PALS2: variants seen among roughly 807,000 people sequenced by gnomAD.
PALS2 encodes the protein protein associated with LIN7 2, MAGUK p55 family member.
In PALS2, 27 loss-of-function variants were observed where a neutral mutation model predicts 61.6. The observed-to-expected ratio is 0.44, with a 90% CI of 0.32 to 0.60. The LOEUF is 0.60. PALS2 is among the 20% of genes least tolerant of loss of function. PALS2 has a pLI of 0.05. For missense variants in PALS2, 554 were observed against 639.4 expected, an observed-to-expected ratio of 0.87 and a Z score of 1.44; for synonymous variants, 236 against 218.6, an observed-to-expected ratio of 1.08 and a Z score of -0.70.
In PALS2 at chr7:24,691,391, G is replaced by A. The variant is rs1271237425; in HGVS notation, c.*3777G>A. 5.7e-4 allele frequency: 57 copies of A among 100,396 alleles called. 1 individual carries two copies. Among genetic ancestry groups the A allele is most frequent in the African/African-American group, 1.9e-3 (56 of 29,668 alleles). The allele number at this position is 100,396 out of a possible 1,614,324, so 6.2% of individuals were successfully genotyped here. A position where few individuals can be genotyped will look rare whatever the true frequency, so the allele number is the denominator to read the frequency against. ...GTTCGAGTTGCCATATATTATGTAT[G>A]TGTGTGTGTGTGTGTATATATATAT... On this transcript the variant is annotated 3_prime_UTR_variant, in exon 12 of 12. Transcript: ENST00000222644.
rs114241686 is a variant in PALS2, at chr7:24,687,138, T to C, written c.1447-300T>C. Among the ~76,000 whole-genome samples, 369 of 152,318 alleles carry C rather than the reference T, an allele frequency of 2.4e-3. 2 individuals carry two copies. The highest frequency in any genetic ancestry group is 8.4e-3 in the African/African-American group (350 of 41,584). ...CCAGTCACCTGCAGTAATTGTTTTG[T>C]TACTGTAGATTCATTCCAAGATTAT... On this transcript the variant is annotated intron_variant, in intron 11 of 11. Coordinates refer to ENST00000222644, the MANE Select transcript of PALS2 (RefSeq NM_001303037.2). The surrounding 1 kb of genome is among the most constrained non-coding windows in gnomAD (Gnocchi z 4.5).
chr7:24,660,979 A>G (rs112498596), intron 5 of PALS2, among the ~76,000 whole-genome samples: 58 of 152,342 alleles, frequency 3.8e-4, no homozygotes, highest in African/African-American at 1.3e-3. Flanking sequence ...AACATCTCCT[A>G]TGCTTAAAAG....
intron 7 of PALS2, 131 bp from the exon 8 acceptor site, chr7:24,665,890 C>G: frequency 3.0e-6 from 3 of 1,003,478 alleles, no homozygotes; most frequent in Non-Finnish European, 4.5e-6. Context: ...GCTTAACTCA[C>G]CTCCACCCTC....
intron 1 of PALS2, among the ~76,000 whole-genome samples, chr7:24,585,278 A>T (rs1231234208): frequency 6.6e-6 from 1 of 151,524 alleles, no homozygotes; most frequent in Non-Finnish European, 1.5e-5. Context: ...GACGATATTG[A>T]TTCTTCCTAC....
At chr7:24,675,418 T>G (rs1787516265) in intron 9 of PALS2, among the ~76,000 whole-genome samples, 1 of 151,732 alleles carries the variant, frequency 6.6e-6, no homozygotes, top group South Asian at 2.1e-4. Flanking sequence ...ACTTTTAAGT[T>G]TTAGGGTACA....
intron 1 of PALS2, among the ~76,000 whole-genome samples, chr7:24,614,697 G>A (rs553344341): frequency 2.6e-5 from 4 of 151,872 alleles, no homozygotes; most frequent in East Asian, 1.9e-4. Flanking sequence ...GAAAATCAAC[G>A]AGATACCAGA....
At chr7:24,589,142 A>G (rs947261295) in intron 1 of PALS2, 2 of 152,082 alleles carry the variant, frequency 1.3e-5, no homozygotes, top group African/African-American at 4.8e-5. Flanking sequence ...TTCTTTTAGT[A>G]GATACTTCCT....
intron 8 of PALS2, among the ~76,000 whole-genome samples, chr7:24,667,357 ATGTT>A (rs1310882916): frequency 6.6e-6 from 1 of 152,164 alleles, no homozygotes; most frequent in African/African-American, 2.4e-5. Context: ...ATTTAAATGT[ATGTT>A]GTCAGTAAAT....
At chr7:24,624,646 T>C in intron 2 of PALS2, among the ~76,000 whole-genome samples, 1 of 139,716 alleles carries the variant, frequency 7.2e-6, no homozygotes, top group Non-Finnish European at 1.5e-5. Context: ...TCACTTTGTC[T>C]CCCAGGCTGG....
intron 5 of PALS2, among the ~76,000 whole-genome samples, chr7:24,658,204 A>G (rs998911158): frequency 3.3e-5 from 5 of 152,158 alleles, no homozygotes; most frequent in East Asian, 1.9e-4. Flanking sequence ...CTAATCTGCT[A>G]TTAATCACAC....
chr7:24,663,695 A>G lies in PALS2; in HGVS notation c.757A>G (p.Asn253Asp), dbSNP rs745390301. 8 of 1,610,686 alleles carry G rather than the reference A, an allele frequency of 5.0e-6. No individual in the cohort carries two copies. In the Admixed American group the frequency reaches 1.2e-4, roughly 24 times the overall value. Residue 253 changes from asparagine to aspartate, a missense_variant, in exon 6 of 12, where the codon AAT becomes GAT. Physicochemically the swap from Asn to Asp is conservative, Grantham distance 23. Transcript: ENST00000222644. Reference sequence around the variant, plus strand: ...CAAAGGAGAGATTCTTCAGATTGTAAATAGAGAAGATCCAAATTGGTGGCA... The same window carrying G: ...CAAAGGAGAGATTCTTCAGATTGTAGATAGAGAAGATCCAAATTGGTGGCA... ...FSKGEILQIV[N>D]REDPNWWQAS... is the part of the protein sequence containing the mutation.
Position 24,672,238 on chromosome 7 carries a change from G to GTT in PALS2, c.1114+3581_1114+3582dup, listed in dbSNP as rs541574746. The stretch of plus-strand genomic sequence containing the variant: ...GTTTTGTTTTGTTTTGTTTTGTTTT[G>GTT]TTTTGTTGAGATGGAGTCTTGCTCT... On this transcript the variant is annotated intron_variant, in intron 9 of 11. Coordinates refer to ENST00000222644, the MANE Select transcript of PALS2 (RefSeq NM_001303037.2). Among the ~76,000 whole-genome samples, 11 of 147,874 alleles carry GTT rather than the reference G, an allele frequency of 7.4e-5. No homozygotes were observed. The South Asian group carries it at 1.9e-3, about 26-fold the overall frequency.
At chr7:24,646,786 T>C (rs1785853283) in intron 3 of PALS2, among the ~76,000 whole-genome samples, 3 of 152,132 alleles carry the variant, frequency 2.0e-5, no homozygotes, top group African/African-American at 7.2e-5. Context: ...GGTCCCAGGC[T>C]TTTTTTGGTT....
intron 5 of PALS2, among the ~76,000 whole-genome samples, chr7:24,653,819 CTT>C (rs1372943236): frequency 1.3e-5 from 2 of 152,196 alleles, no homozygotes; most frequent in African/African-American, 4.8e-5. Context: ...GCAGCGAACA[CTT>C]TGACCATTAC....
At chr7:24,639,878 A>T (rs1562633136) in intron 2 of PALS2, among the ~76,000 whole-genome samples, 1 of 131,520 alleles carries the variant, frequency 7.6e-6, no homozygotes, top group Non-Finnish European at 1.5e-5. Flanking sequence ...GTGCAGTGGC[A>T]TGATCTTGGC....
At chr7:24,632,967 G>A (rs1463760848) in intron 2 of PALS2, among the ~76,000 whole-genome samples, 2 of 151,588 alleles carry the variant, frequency 1.3e-5, no homozygotes, top group Non-Finnish European at 2.9e-5. Context: ...ATACACTTTC[G>A]AATAACATCA....
At chr7:24,656,819 A>G (rs1176936028) in intron 5 of PALS2, among the ~76,000 whole-genome samples, 2 of 152,102 alleles carry the variant, frequency 1.3e-5, no homozygotes, top group East Asian at 1.9e-4. Flanking sequence ...GGCATAAGCC[A>G]TTGCTCCCGG....
intron 3 of PALS2, among the ~76,000 whole-genome samples, chr7:24,644,556 G>T (rs1448529725): frequency 5.9e-5 from 9 of 151,730 alleles, no homozygotes; most frequent in Admixed American, 4.6e-4. Flanking sequence ...TCATTGACAG[G>T]CATTTAGGTT....
chr7:24,617,277 G>GA (rs1282854320), intron 1 of PALS2, among the ~76,000 whole-genome samples: 1 of 150,398 alleles, frequency 6.6e-6, no homozygotes, highest in African/African-American at 2.5e-5. Flanking sequence ...TTCAAACAAT[G>GA]AATCATTTTT....
Sources: gnomAD v4.1 joint callset for allele counts (sites outside exome capture counted in the v4.1 genomes callset) on GRCh38, gnomAD v4.1.1 for gene constraint, Gnocchi (gnomAD v3.1) non-coding constraint, MANE v1.5 for transcripts, NCBI Gene and HGNC (gene_info 2026-07-23, HGNC 2026-07-21) for gene names.